The following ZNF398 variants were observed in gnomAD, a reference collection of about 807,000 sequenced individuals.
ZNF398 encodes zinc finger DNA binding protein ZER6.
A neutral mutation model predicts 41.9 loss-of-function variants in ZNF398; 18 were observed. That is an observed-to-expected ratio of 0.43 (90% confidence interval 0.30 to 0.64). The LOEUF (loss-of-function observed/expected upper bound fraction) is 0.64, where lower values mean the gene tolerates loss of function less well. ZNF398 is among the 30% of genes least tolerant of loss of function. ZNF398 has a pLI of 0.14. For synonymous variants in ZNF398, 260 were observed against 308.8 expected (o/e 0.84, Z 1.66); for missense variants, 669 against 822.8 (o/e 0.81, Z 2.29).
intron 1 of ZNF398, among the ~76,000 whole-genome samples, chr7:149,149,801 G>C (rs930473721): frequency 6.6e-6 from 1 of 152,130 alleles, no homozygotes; most frequent in Non-Finnish European, 1.5e-5. Flanking sequence ...TCCTGCCACT[G>C]CCCTCCAACC....
At chr7:149,138,217 A>G (rs1826753730) in intron 2 of ZNF398, among the ~76,000 whole-genome samples, 1 of 151,794 alleles carries the variant, frequency 6.6e-6, no homozygotes, top group African/African-American at 2.4e-5. Flanking sequence ...AAAAAAGAAA[A>G]AAAAAAAGAA....
chr7:149,178,943 G>T lies in ZNF398; in HGVS notation c.1071G>T (p.Leu357Phe). ...HCGKNLSQDM[L>F]LTHQCSHATE... ...GCAAGAATCTCAGCCAAGACATGTT[G>T]CTGACCCACCAATGTAGCCATGCTA... Residue 357 changes from leucine (L) to phenylalanine (F), a missense_variant, in exon 6 of 6, where the codon TTG (leucine) becomes TTT (phenylalanine). Transcript: ENST00000475153. 6.2e-7 allele frequency: 1 copy of T among 1,614,114 alleles called. No individual in the cohort carries two copies. Among genetic ancestry groups the T allele is most frequent in the East Asian group, 2.2e-5 (1 of 44,884 alleles).
chr7:149,171,829 G>C (rs532825344), intron 4 of ZNF398, among the ~76,000 whole-genome samples: 79 of 151,992 alleles, frequency 5.2e-4, no homozygotes, highest in African/African-American at 1.8e-3. Context: ...CACCACACCT[G>C]GCTAATTTTT....
rs936909333 is a variant in ZNF398, at chr7:149,154,335, C to T, written c.415C>T (p.Pro139Ser). 5 of 1,609,100 alleles carry T rather than the reference C, an allele frequency of 3.1e-6. No individual in the cohort carries two copies. The African/African-American group carries it at 6.7e-5, about 22-fold the overall frequency. ...CCCTCCAGGTATTAAGGGAGATATC[C>T]CAAAGGTAATACCTTCATTTCTAGA... ...RLPPGIKGDI[P>S]KVPVAFDDVS... Residue 139 changes from proline to serine, a missense_variant, in exon 2 of 6, where the codon CCA becomes TCA. Pro to Ser is a moderately conservative substitution (Grantham distance 74, BLOSUM62 -1). Transcript: ENST00000475153.
intron 1 of ZNF398, chr7:149,148,600 GC>G: frequency 2.1e-6 from 1 of 472,006 alleles, no homozygotes; most frequent in Non-Finnish European, 2.8e-6. Context: ...AGAGGGAAGT[GC>G]CACCTCCACT....
chr7:149,170,799 TG>T (rs1206224408), intron 4 of ZNF398, among the ~76,000 whole-genome samples: 1 of 152,008 alleles, frequency 6.6e-6, no homozygotes, highest in Admixed American at 6.6e-5. Flanking sequence ...CTTGCAGGAC[TG>T]GAAGTTGTTC....
intron 2 of ZNF398, among the ~76,000 whole-genome samples, chr7:149,155,640 T>C (rs1794948692): frequency 1.3e-5 from 2 of 149,626 alleles, no homozygotes; most frequent in African/African-American, 2.5e-5. Context: ...TAAGGTGTAA[T>C]GAGGAGAAAT....
At chr7:149,135,253 C>T (rs1826684996) in intron 2 of ZNF398, among the ~76,000 whole-genome samples, 2 of 151,578 alleles carry the variant, frequency 1.3e-5, no homozygotes, top group South Asian at 4.2e-4. Flanking sequence ...AGCCGGGCGT[C>T]GTGGCAGGTG....
At position 149,147,777 on chromosome 7, in the gene ZNF398, CCG is replaced by C. The variant is rs1215457757; in HGVS notation, c.24+18_24+19del. The C allele has an allele frequency of 8.6e-6, 12 of 1,393,530 alleles. No individual in the cohort carries two copies. Among genetic ancestry groups the C allele is most frequent in the Non-Finnish European group, 9.3e-6 (10 of 1,071,682 alleles). The allele number at this position is 1,393,530 out of a possible 1,614,324, so 86.3% of individuals were successfully genotyped here. On this transcript the variant is annotated intron_variant, in intron 1 of 5. Coordinates refer to ENST00000475153, the MANE Select transcript of ZNF398 (RefSeq NM_170686.3). This position sits in a 1 kb window ranked among gnomAD's most constrained non-coding sequence, Gnocchi z 5.6. ...GCGGCCCCGGCCCCGGTAAGGGCGG[CCG>C]CGCGCGAGTGTTGTGAGCCCCCGAG...
chr7:149,155,726 T>TAA (rs1460207510), intron 2 of ZNF398, among the ~76,000 whole-genome samples: 1 of 93,060 alleles, frequency 1.1e-5, no homozygotes, highest in Admixed American at 1.4e-4. Context: ...TTTTTTTTTT[T>TAA]TTTAATTTTT....
intron 1 of ZNF398, among the ~76,000 whole-genome samples, chr7:149,149,557 C>T (rs1827058318): frequency 6.6e-6 from 1 of 152,056 alleles, no homozygotes; most frequent in Non-Finnish European, 1.5e-5. Context: ...ACATTAATGG[C>T]CGGGTGTGGT....
chr7:149,139,728 G>A (rs776679188), intron 2 of ZNF398, among the ~76,000 whole-genome samples: 2 of 149,472 alleles, frequency 1.3e-5, no homozygotes, highest in Non-Finnish European at 3.0e-5. Context: ...AAATTTGGCC[G>A]GGCGTGGTGG....
chr7:149,141,447 C>CTTTCTT (rs1826822244), intron 2 of ZNF398, among the ~76,000 whole-genome samples: 1 of 116,816 alleles, frequency 8.6e-6, no homozygotes, highest in Non-Finnish European at 1.7e-5. Flanking sequence ...AGCTACTTTT[C>CTTTCTT]TTTTTTTTCT....
intron 2 of ZNF398, among the ~76,000 whole-genome samples, chr7:149,162,837 C>T (rs540184685): frequency 4.2e-4 from 63 of 151,008 alleles, no homozygotes; most frequent in African/African-American, 1.4e-3. Context: ...GTGGGCAGAT[C>T]GCCTGAGGTC....
At chr7:149,143,703 T>G (rs2129519752), upstream of ZNF398, among the ~76,000 whole-genome samples, 1 of 152,240 alleles carries the variant, frequency 6.6e-6, no homozygotes, top group Non-Finnish European at 1.5e-5. Flanking sequence ...TCCCAGCTAC[T>G]TGGGAGGCTG....
At chr7:149,141,925 C>G (rs909963889) in intron 2 of ZNF398, among the ~76,000 whole-genome samples, 15 of 152,096 alleles carry the variant, frequency 9.9e-5, no homozygotes, top group African/African-American at 3.6e-4. Flanking sequence ...TTTAGTAAGA[C>G]AAGTTATCAT....
At chr7:149,155,081 G>A (rs1794938568) in intron 2 of ZNF398, among the ~76,000 whole-genome samples, 1 of 151,090 alleles carries the variant, frequency 6.6e-6, no homozygotes, top group Admixed American at 6.6e-5. Context: ...GAGGTCAGGA[G>A]TTCAAGACCA....
intron 2 of ZNF398, among the ~76,000 whole-genome samples, chr7:149,163,672 G>A (rs374369259): frequency 2.0e-5 from 3 of 152,042 alleles, no homozygotes; most frequent in East Asian, 1.9e-4. Context: ...ACAGGGTTTC[G>A]CCATGTTGGT....
Position 149,154,359 on chromosome 7 carries a change from G to T in ZNF398, c.420+19G>T. The stretch of plus-strand genomic sequence containing the variant: ...CCCAAAGGTAATACCTTCATTTCTA[G>T]ATGTAAAGTGGTACCACTAGAACTT... On this transcript the variant is annotated intron_variant, in intron 2 of 5. Transcript: ENST00000475153. 1 of 1,578,898 alleles carries T rather than the reference G, an allele frequency of 6.3e-7. No homozygotes were observed. The highest frequency in any genetic ancestry group is 8.6e-7 in the Non-Finnish European group (1 of 1,161,856).
Sources: allele counts gnomAD v4.1 joint callset (sites outside exome capture counted in the v4.1 genomes callset), GRCh38; gene constraint gnomAD v4.1.1; non-coding constraint Gnocchi (gnomAD v3.1); transcripts MANE v1.5; gene names NCBI Gene and HGNC (gene_info 2026-07-23, HGNC 2026-07-21).